SV2C: variants seen among roughly 807,000 people sequenced by gnomAD.
SV2C encodes the protein solute carrier family 22 member B3.
SV2C carries 49 observed loss-of-function variants against 79.7 expected under a neutral mutation model. The ratio of observed to expected loss-of-function variants is 0.61; its 90% CI spans 0.49 to 0.78. The LOEUF (loss-of-function observed/expected upper bound fraction) is 0.78, where lower values mean the gene tolerates loss of function less well. SV2C is among the 30% of genes least tolerant of loss of function. The probability of loss-of-function intolerance (pLI) is 0.00; values close to 1 mark genes in which losing one functional copy is unlikely to be tolerated. For synonymous variants in SV2C, 334 were observed against 333.2 expected (o/e 1.00, Z -0.03); for missense variants, 833 against 912.9 (o/e 0.91, Z 1.13).
chr5:76,006,294 C>G, the SV2C span, among the ~76,000 whole-genome samples: 4 of 152,272 alleles, frequency 2.6e-5, no homozygotes, highest in South Asian at 4.1e-4. Context: ...CATGCCTTCC[C>G]TTCATATATG....
chr5:76,250,228 G>T (rs887867161), intron 4 of SV2C, among the ~76,000 whole-genome samples: 1 of 152,040 alleles, frequency 6.6e-6, no homozygotes, highest in African/African-American at 2.4e-5. Context: ...ATGAAGAAAA[G>T]TTCAAACCTA....
At chr5:75,958,026 G>T in the SV2C span, among the ~76,000 whole-genome samples, 1 of 151,964 alleles carries the variant, frequency 6.6e-6, no homozygotes, top group South Asian at 2.1e-4. Flanking sequence ...TCTAAAATAG[G>T]TTCAAAATGC....
upstream of SV2C, chr5:76,079,093 A>G (rs1746936424): frequency 1.1e-5 from 4 of 372,734 alleles, no homozygotes; most frequent in South Asian, 4.9e-5. Context: ...AGTGGTGTAC[A>G]ATGAAGATTC....
chr5:76,288,841 A>G (rs2112501186), intron 6 of SV2C, among the ~76,000 whole-genome samples: 1 of 151,732 alleles, frequency 6.6e-6, no homozygotes, highest in East Asian at 1.9e-4. Context: ...ACGGTACAGC[A>G]AAGTTGCATG....
chr5:76,240,525 G>T (rs1745753735), intron 4 of SV2C, among the ~76,000 whole-genome samples: 1 of 152,188 alleles, frequency 6.6e-6, no homozygotes, highest in African/African-American at 2.4e-5. Flanking sequence ...GAAGGCAGTG[G>T]ATAATTGTCC....
the SV2C span, chr5:75,911,333 T>C: frequency 3.7e-6 from 5 of 1,341,012 alleles, no homozygotes; most frequent in Non-Finnish European, 4.2e-6. Context: ...GCCACAGAAG[T>C]AGTCCTCCAA....
chr5:76,047,920 G>A, the SV2C span, among the ~76,000 whole-genome samples: 1 of 151,600 alleles, frequency 6.6e-6, no homozygotes. Flanking sequence ...ACAGGCACCC[G>A]CCACCACTCC....
At chr5:76,096,867 A>G (rs1747580967) in intron 1 of SV2C, among the ~76,000 whole-genome samples, 2 of 152,144 alleles carry the variant, frequency 1.3e-5, no homozygotes, top group African/African-American at 2.4e-5. Context: ...TGGGACATTG[A>G]TCTTCTACCT....
At chr5:75,858,234 G>A in the SV2C span, among the ~76,000 whole-genome samples, 2 of 152,196 alleles carry the variant, frequency 1.3e-5, no homozygotes, top group Non-Finnish European at 2.9e-5. Context: ...GATGCTAGGT[G>A]TGGGTCTATT....
the SV2C span, among the ~76,000 whole-genome samples, chr5:76,076,989 C>T: frequency 6.6e-6 from 1 of 152,174 alleles, no homozygotes; most frequent in African/African-American, 2.4e-5. Context: ...CATCATATTA[C>T]TATCAAACAT....
At chr5:76,007,069 T>C in the SV2C span, among the ~76,000 whole-genome samples, 1 of 152,166 alleles carries the variant, frequency 6.6e-6, no homozygotes, top group Non-Finnish European at 1.5e-5. Context: ...ACTGCGATGT[T>C]GGATAGTTTC....
At chr5:76,013,119 G>T in the SV2C span, among the ~76,000 whole-genome samples, 5 of 152,104 alleles carry the variant, frequency 3.3e-5, no homozygotes, top group Admixed American at 2.0e-4. Context: ...GAAATGTAAC[G>T]TAGATTTTTC....
chr5:76,081,512 T>C (rs1296205777), upstream of SV2C, among the ~76,000 whole-genome samples: 2 of 152,130 alleles, frequency 1.3e-5, no homozygotes, highest in African/African-American at 4.8e-5. Flanking sequence ...TAAATAATTA[T>C]TTAAATTATT....
chr5:76,070,931 T>C, the SV2C span, among the ~76,000 whole-genome samples: 45 of 152,224 alleles, frequency 3.0e-4, no homozygotes, highest in Non-Finnish European at 5.4e-4. Context: ...GGAGATGAGT[T>C]ACCTCTTCTG....
At chr5:75,997,015 C>A in the SV2C span, among the ~76,000 whole-genome samples, 2 of 149,264 alleles carry the variant, frequency 1.3e-5, no homozygotes, top group East Asian at 1.9e-4. Flanking sequence ...GAACTTCCAA[C>A]ACTATGTTGA....
At position 76,146,334 on chromosome 5, in the gene SV2C, A is replaced by G. The variant is rs190674196; in HGVS notation, c.580+14004A>G. Among the ~76,000 whole-genome samples the G allele has an allele frequency of 3.9e-5, 6 of 152,280 alleles. 1 individual carries two copies. In the East Asian group the frequency reaches 1.2e-3, roughly 29 times the overall value. ...GAATAAAAGAATAGCTACTCCATGG[A>G]CCAGCCCCGAGGGCTGCTGGTTGCC... On this transcript the variant is annotated intron_variant, in intron 2 of 12. Coordinates refer to ENST00000502798, the MANE Select transcript of SV2C (RefSeq NM_014979.4).
the SV2C span, among the ~76,000 whole-genome samples, chr5:75,959,590 A>C: frequency 6.6e-6 from 1 of 152,016 alleles, no homozygotes; most frequent in East Asian, 1.9e-4. Context: ...ATATATGCAA[A>C]CACATCAGCA....
chr5:75,913,051 A>G, the SV2C span, among the ~76,000 whole-genome samples: 2 of 152,208 alleles, frequency 1.3e-5, no homozygotes, highest in Admixed American at 1.3e-4. Flanking sequence ...GTCAATCCAT[A>G]CTAGGTTTCC....
Position 76,132,392 on chromosome 5 carries a change from C to T in SV2C, c.580+62C>T, listed in dbSNP as rs1042024167. 22 of 1,454,976 alleles carry T rather than the reference C, an allele frequency of 1.5e-5. No homozygotes were observed. The Admixed American group carries it at 5.0e-4, about 33-fold the overall frequency. The allele number at this position is 1,454,976 out of a possible 1,614,324, so 90.1% of individuals were successfully genotyped here. ...TGGCTTATTTGTTAAGCACAGTTAT[C>T]AACATAGAGAATAAATACTTTTCAT... On this transcript the variant is annotated intron_variant, in intron 2 of 12. Coordinates refer to ENST00000502798, the MANE Select transcript of SV2C (RefSeq NM_014979.4).
Sources: allele counts gnomAD v4.1 joint callset (sites outside exome capture counted in the v4.1 genomes callset), GRCh38; gene constraint gnomAD v4.1.1; transcripts MANE v1.5; gene names NCBI Gene and HGNC (gene_info 2026-07-23, HGNC 2026-07-21).